Variants in CROCC2 observed in about 807,000 individuals in gnomAD.
CROCC2 encodes ciliary rootlet coiled-coil, rootletin family member 2.
CROCC2 carries 163 observed loss-of-function variants against 177.6 expected under a neutral mutation model. The observed-to-expected ratio is 0.92, with a 90% confidence interval of 0.81 to 1.05. The LOEUF (loss-of-function observed/expected upper bound fraction) is 1.05. Among genes scored for constraint, CROCC2 ranks in the 50% least tolerant of loss-of-function variants. The probability of loss-of-function intolerance (pLI) is 0.00; values close to 1 mark genes in which losing one functional copy is unlikely to be tolerated. For missense variants in CROCC2, 1,929 were observed against 1,797.8 expected (o/e 1.07, Z -1.32); for synonymous variants, 904 against 787.3 (o/e 1.15, Z -2.48).
At chr2:240,975,560 G>A (rs553700160) in intron 27 of CROCC2, among the ~76,000 whole-genome samples, 7 of 152,252 alleles carry the variant, frequency 4.6e-5, no homozygotes, top group Admixed American at 2.6e-4. Flanking sequence ...GACGTGTCCT[G>A]TCCTTCTCTG....
intron 1 of CROCC2, among the ~76,000 whole-genome samples, chr2:240,913,731 G>A (rs1559587363): frequency 6.6e-6 from 1 of 152,260 alleles, no homozygotes; most frequent in Non-Finnish European, 1.5e-5. Context: ...CAAACACAGA[G>A]ACTTAAACTG....
chr2:240,988,853 C>T lies in CROCC2; in HGVS notation c.4666C>T (p.Gln1556Ter), dbSNP rs758724747. Reference protein sequence around the residue: ...LHQEVDGALRQNQQLQAQMTE... With the variant: ...LHQEVDGALR ...CCAGGAGGTGGACGGAGCCCTGAGG[C>T]AAAATCAGCAGCTGCAGGTCAACTG... The change falls in exon 29 of 32, where the codon CAA becomes TAA. Residue 1556 changes from glutamine to a stop codon, truncating the protein, a stop_gained. Coordinates refer to ENST00000690015, the MANE Select transcript of CROCC2 (RefSeq NM_001351305.2). LOFTEE classifies it high-confidence loss of function. 6.7e-7 allele frequency: 1 copy of T among 1,488,922 alleles called. No homozygotes were observed. The highest frequency in any genetic ancestry group is 1.4e-5 in the African/African-American group (1 of 71,294). 92.2% of individuals were successfully genotyped at this position (1,488,922 alleles called of 1,614,324 possible). A position where few individuals can be genotyped will look rare whatever the true frequency, so the allele number is the denominator to read the frequency against.
intron 27 of CROCC2, among the ~76,000 whole-genome samples, chr2:240,971,637 C>G (rs2059721628): frequency 6.6e-6 from 1 of 152,098 alleles, no homozygotes; most frequent in African/African-American, 2.4e-5. Context: ...TTATTTTTAC[C>G]TACCCCGGCA....
chr2:240,929,274 C>T (rs76631620), intron 5 of CROCC2, among the ~76,000 whole-genome samples: 5 of 152,060 alleles, frequency 3.3e-5, no homozygotes, highest in South Asian at 2.1e-4. Flanking sequence ...TTCTGGAGAA[C>T]GGGCAGGATG....
In CROCC2 at chr2:240,917,874, AT is replaced by A. The variant is rs894775551; in HGVS notation, c.79-851del. 6.6e-6 allele frequency among the ~76,000 whole-genome samples: 1 copy of A among 152,142 alleles called. No homozygotes were observed. The highest frequency in any genetic ancestry group is 2.4e-5 in the African/African-American group (1 of 41,438). ...CTGTGTGTCCTGCCCACAGTCGGTA[AT>A]CTATTTCACCTGGCAGGAGTCCCCT... On this transcript the variant is annotated intron_variant, in intron 1 of 31. Transcript: ENST00000690015. This position sits in a 1 kb window ranked among gnomAD's most constrained non-coding sequence, Gnocchi z 4.9.
At chr2:240,956,888 G>C (rs764122471) in intron 19 of CROCC2, among the ~76,000 whole-genome samples, 1 of 152,078 alleles carries the variant, frequency 6.6e-6, no homozygotes, top group Non-Finnish European at 1.5e-5. Context: ...AGAGCCCAGC[G>C]ATAGGACATA....
chr2:240,936,351 G>A (rs1332698424), intron 14 of CROCC2, among the ~76,000 whole-genome samples: 1 of 152,112 alleles, frequency 6.6e-6, no homozygotes, highest in Non-Finnish European at 1.5e-5. Context: ...AAAGCCCCCG[G>A]CTCCCACCCA....
rs957788274 is a variant in CROCC2, at chr2:240,962,016, A to C, written c.3088-1540A>C. 1.6e-4 allele frequency among the ~76,000 whole-genome samples: 24 copies of C among 147,862 alleles called. No individual in the cohort carries two copies. In the East Asian group the frequency reaches 3.9e-3, roughly 24 times the overall value. On this transcript the variant is annotated intron_variant, in intron 20 of 31. Coordinates refer to ENST00000690015, the MANE Select transcript of CROCC2 (RefSeq NM_001351305.2). Reference sequence around the variant, plus strand: ...CCACACACACACTCATCACCCACACACACACACACACACGCACGCACACAC... The same window carrying C: ...CCACACACACACTCATCACCCACACCCACACACACACACGCACGCACACAC...
chr2:240,928,725 T>C (rs983879130), intron 5 of CROCC2, among the ~76,000 whole-genome samples: 4 of 139,074 alleles, frequency 2.9e-5, no homozygotes, highest in South Asian at 4.4e-4. Context: ...TGGCATGCCC[T>C]CGGAGGGCGT....
chr2:240,966,708 C>T (rs930370983), intron 25 of CROCC2, among the ~76,000 whole-genome samples: 3 of 152,114 alleles, frequency 2.0e-5, no homozygotes, highest in African/African-American at 7.2e-5. Context: ...GAAGAGCTGC[C>T]GGGGCTGGGC....
chr2:240,976,122 G>A (rs529955425), intron 27 of CROCC2, among the ~76,000 whole-genome samples: 1 of 152,220 alleles, frequency 6.6e-6, no homozygotes, highest in Non-Finnish European at 1.5e-5. Context: ...CCACATGCTG[G>A]CTCCAAGACC....
chr2:240,985,995 C>T (rs2059838557), intron 28 of CROCC2: 1 of 456,020 alleles, frequency 2.2e-6, no homozygotes. Context: ...TTGATGCCGG[C>T]CTCTCAAGCT....
rs1437513735 is a variant in CROCC2, at chr2:240,946,239, G to A, written c.2349G>A (p.Glu783=). Reference sequence around the variant, plus strand: ...GGCAGGGCCGGCTCGCAGCTGAAGAGGCAGCTGATCTCAGGTATGCAAGGG... The same window carrying A: ...GGCAGGGCCGGCTCGCAGCTGAAGAAGCAGCTGATCTCAGGTATGCAAGGG... ...LERQGRLAAE[E]AADLRVERDS... Residue 783 remains glutamate (E), a synonymous_variant, in exon 15 of 32, where the codon GAG becomes GAA. Coordinates refer to ENST00000690015, the MANE Select transcript of CROCC2 (RefSeq NM_001351305.2). The A allele has an allele frequency of 2.0e-6, 3 of 1,533,802 alleles. No homozygotes were observed. Among genetic ancestry groups the A allele is most frequent in the Non-Finnish European group, 2.6e-6 (3 of 1,133,726 alleles).
intron 28 of CROCC2, among the ~76,000 whole-genome samples, chr2:240,986,314 C>G (rs1280315588): frequency 6.6e-6 from 1 of 152,206 alleles, no homozygotes; most frequent in Admixed American, 6.5e-5. Context: ...GGAGGGGCTG[C>G]CTCCAGCTCG....
chr2:240,921,286 C>G (rs1206132366), intron 3 of CROCC2, among the ~76,000 whole-genome samples: 3 of 152,320 alleles, frequency 2.0e-5, no homozygotes, highest in East Asian at 3.9e-4. Flanking sequence ...CCCTGACCCC[C>G]ACACGGGAAA....
At chr2:240,947,776 T>C (rs1314652858) in intron 15 of CROCC2, among the ~76,000 whole-genome samples, 3 of 152,082 alleles carry the variant, frequency 2.0e-5, no homozygotes, top group African/African-American at 7.2e-5. Context: ...CCTCCCTTCA[T>C]GGAGTCCTGG....
intron 14 of CROCC2, among the ~76,000 whole-genome samples, chr2:240,943,948 G>A (rs2059508566): frequency 6.6e-6 from 1 of 152,142 alleles, no homozygotes; most frequent in South Asian, 2.1e-4. Flanking sequence ...TCTCTCTAAT[G>A]CTTTTAAACA....
chr2:240,958,078 G>C lies in CROCC2; in HGVS notation c.2944-1223G>C. The C allele has an allele frequency of 1.0e-6, 1 of 985,394 alleles. No individual in the cohort carries two copies. Among genetic ancestry groups the C allele is most frequent in the Non-Finnish European group, 1.2e-6 (1 of 829,914 alleles). 61.0% of individuals were successfully genotyped at this position (985,394 alleles called of 1,614,324 possible). Reference sequence around the variant, plus strand: ...CCGGCCTTCCTGGGGAGCTCGTTAAGGGTTCCTTTGCCACCTCGGCTCAGA... The same window carrying C: ...CCGGCCTTCCTGGGGAGCTCGTTAACGGTTCCTTTGCCACCTCGGCTCAGA... On this transcript the variant is annotated intron_variant, in intron 19 of 31. Coordinates refer to ENST00000690015, the MANE Select transcript of CROCC2 (RefSeq NM_001351305.2). This position sits in a 1 kb window ranked among gnomAD's most constrained non-coding sequence, Gnocchi z 6.7.
intron 14 of CROCC2, among the ~76,000 whole-genome samples, chr2:240,938,902 T>C (rs1375168352): frequency 1.3e-5 from 2 of 152,212 alleles, no homozygotes; most frequent in Non-Finnish European, 2.9e-5. Flanking sequence ...TCATGTGACC[T>C]TGACAAATTC....
Sources: gnomAD v4.1 joint callset for allele counts (sites outside exome capture counted in the v4.1 genomes callset) on GRCh38, gnomAD v4.1.1 for gene constraint, Gnocchi (gnomAD v3.1) non-coding constraint, MANE v1.5 for transcripts, NCBI Gene and HGNC (gene_info 2026-07-23, HGNC 2026-07-21) for gene names.